Variants in GTF2A2 observed in about 807,000 individuals in gnomAD.
GTF2A2 encodes the protein transcription initiation factor IIA subunit 2.
GTF2A2 carries 9 observed loss-of-function variants against 14.3 expected under a neutral mutation model. The ratio of observed to expected loss-of-function variants is 0.63; its 90% CI spans 0.38 to 1.10. GTF2A2 has a LOEUF of 1.10. GTF2A2 is among the 50% of genes least tolerant of loss of function. The pLI is 0.01. For missense variants in GTF2A2, 90 were observed against 124.6 expected, an observed-to-expected ratio of 0.72 and a Z score of 1.32; for synonymous variants, 56 against 46.0, an observed-to-expected ratio of 1.22 and a Z score of -0.88.
At chr15:59,656,845 A>G (rs760229136) in intron 1 of GTF2A2, 1 of 152,238 alleles carries the variant, frequency 6.6e-6, no homozygotes, top group Non-Finnish European at 1.5e-5. Context: ...TAAGTGTTCT[A>G]ATCTTTTAGA....
rs1228218459 is a variant in GTF2A2, at chr15:59,639,102, G to A, written c.*30C>T. ...TCTTCAAAAGCAATGAATAACAGAAGATGGTGTAAAAAAGTCATATTTTTT... is the reference window on the plus strand; with the variant it reads ...TCTTCAAAAGCAATGAATAACAGAAAATGGTGTAAAAAAGTCATATTTTTT... On this transcript the variant is annotated 3_prime_UTR_variant, in exon 5 of 5. Transcript: ENST00000396060. The A allele has an allele frequency of 7.9e-7, 1 of 1,266,086 alleles. No homozygotes were observed. The highest frequency in any genetic ancestry group is 1.2e-6 in the Non-Finnish European group (1 of 865,008). 78.4% of individuals were successfully genotyped at this position (1,266,086 alleles called of 1,614,324 possible). A position where few individuals can be genotyped will look rare whatever the true frequency, so the allele number is the denominator to read the frequency against.
intron 4 of GTF2A2, among the ~76,000 whole-genome samples, chr15:59,641,174 C>G (rs1313161196): frequency 9.1e-6 from 1 of 110,084 alleles, no homozygotes; most frequent in Non-Finnish European, 1.8e-5. Context: ...GGCAATACAG[C>G]AAGACTCTTT....
At chr15:59,654,583 G>C (rs1850563366) in intron 1 of GTF2A2, among the ~76,000 whole-genome samples, 1 of 152,052 alleles carries the variant, frequency 6.6e-6, no homozygotes, top group African/African-American at 2.4e-5. Flanking sequence ...CTGAAGACAG[G>C]GACTTCTGTT....
chr15:59,641,180 T>G lies in GTF2A2; in HGVS notation c.304+956A>C, dbSNP rs1273570611. ...ACCAGCCTGGGCAATACAGCAAGAC[T>G]CTTTTTTTTTTTTTTTTTTTAAGGC... On this transcript the variant is annotated intron_variant, in intron 4 of 4. Coordinates refer to ENST00000396060, the MANE Select transcript of GTF2A2 (RefSeq NM_004492.3). Among the ~76,000 whole-genome samples the G allele has an allele frequency of 8.1e-5, 6 of 74,378 alleles. No individual in the cohort carries two copies. The South Asian group carries it at 1.8e-3, about 22-fold the overall frequency. 48.8% of individuals were successfully genotyped at this position (74,378 alleles called of 152,430 possible).
At position 59,638,705 on chromosome 15, in the gene GTF2A2, GC is replaced by G. The variant is rs1187539684; in HGVS notation, c.*426del. The G allele has an allele frequency of 6.6e-6, 1 of 152,604 alleles. No individual in the cohort carries two copies. The highest frequency in any genetic ancestry group is 1.5e-5 in the Non-Finnish European group (1 of 68,568). The allele number at this position is 152,604 out of a possible 1,614,324, so 9.5% of individuals were successfully genotyped here. ...AAAATTCCATCCAGAGTTTGGTTTT[GC>G]CCCTGCTGATGCTTTCATCAGGTAA... On this transcript the variant is annotated 3_prime_UTR_variant, in exon 5 of 5. Coordinates refer to ENST00000396060, the MANE Select transcript of GTF2A2 (RefSeq NM_004492.3).
At chr15:59,657,243 C>G (rs1891977116) in intron 1 of GTF2A2, 163 bp downstream of exon 1, 1 of 152,482 alleles carries the variant, frequency 6.6e-6, no homozygotes, top group Non-Finnish European at 1.5e-5. Context: ...CCGCCCTTCT[C>G]CGGTGCCGGC....
At position 59,638,958 on chromosome 15, in the gene GTF2A2, A is replaced by ATAAAGGTGATG; in HGVS notation, c.*163_*173dup. ...AAGTTATGGTTTTTCATGCTGTATA[A>ATAAAGGTGATG]TAAAGGTGATGTAAGAGGCTACAGA... On this transcript the variant is annotated 3_prime_UTR_variant, in exon 5 of 5. Transcript: ENST00000396060. 1.7e-6 allele frequency: 1 copy of ATAAAGGTGATG among 590,386 alleles called. No individual in the cohort carries two copies. The allele number at this position is 590,386 out of a possible 1,614,324, so 36.6% of individuals were successfully genotyped here. A position where few individuals can be genotyped will look rare whatever the true frequency, so the allele number is the denominator to read the frequency against.
At chr15:59,647,476 T>G (rs1891643223) in intron 3 of GTF2A2, among the ~76,000 whole-genome samples, 1 of 152,218 alleles carries the variant, frequency 6.6e-6, no homozygotes, top group African/African-American at 2.4e-5. Flanking sequence ...TTAGCTTTGG[T>G]CAAATATTAC....
intron 4 of GTF2A2, among the ~76,000 whole-genome samples, chr15:59,639,619 C>T (rs574753955): frequency 4.6e-5 from 7 of 151,092 alleles, no homozygotes; most frequent in South Asian, 2.1e-4. Context: ...CCCGCCACCT[C>T]GCCCAGCTAA....
chr15:59,645,486 AG>A (rs1891573857), intron 3 of GTF2A2, among the ~76,000 whole-genome samples: 1 of 152,224 alleles, frequency 6.6e-6, no homozygotes, highest in Non-Finnish European at 1.5e-5. Flanking sequence ...AATCATCAAT[AG>A]CACTACAAAT....
At chr15:59,642,380 G>A in intron 3 of GTF2A2, 118 bp from the exon 4 acceptor site, 2 of 835,516 alleles carry the variant, frequency 2.4e-6, no homozygotes, top group Non-Finnish European at 1.7e-6. Flanking sequence ...CTTAGCTTAA[G>A]ATTTTCCTTA....
chr15:59,647,462 A>G (rs1228398793), intron 3 of GTF2A2, among the ~76,000 whole-genome samples: 5 of 152,198 alleles, frequency 3.3e-5, no homozygotes, highest in African/African-American at 1.2e-4. Flanking sequence ...CTTCTATAAG[A>G]TATTTAGCTT....
intron 3 of GTF2A2, among the ~76,000 whole-genome samples, chr15:59,645,840 G>C (rs1272036215): frequency 5.9e-5 from 9 of 151,916 alleles, no homozygotes; most frequent in African/African-American, 1.2e-4. Context: ...TTCAAGACCA[G>C]CCTGGCCAAC....
chr15:59,642,308 T>C (rs1891457237), intron 3 of GTF2A2, 46 bp from the exon 4 acceptor site: 56 of 1,527,706 alleles, frequency 3.7e-5, no homozygotes, highest in Non-Finnish European at 4.8e-5. Flanking sequence ...TTTTTTCCCC[T>C]CACATTTTTC....
intron 4 of GTF2A2, among the ~76,000 whole-genome samples, chr15:59,641,096 G>A (rs1245293983): frequency 1.3e-5 from 2 of 151,782 alleles, no homozygotes; most frequent in African/African-American, 4.8e-5. Context: ...GCTCACGCCT[G>A]TAATCCCAGC....
intron 2 of GTF2A2, 121 bp downstream of exon 2, chr15:59,652,085 G>A: frequency 3.1e-6 from 2 of 643,316 alleles, no homozygotes; most frequent in Non-Finnish European, 5.5e-6. Flanking sequence ...CAGTGTTACT[G>A]ACTTGCTGGG....
chr15:59,639,810 G>C (rs1482981055), intron 4 of GTF2A2, among the ~76,000 whole-genome samples: 6 of 152,006 alleles, frequency 3.9e-5, no homozygotes, highest in African/African-American at 1.5e-4. Context: ...GAGTGCAGTA[G>C]CGCAATCTCA....
At chr15:59,655,020 T>C (rs533590557) in intron 1 of GTF2A2, among the ~76,000 whole-genome samples, 4 of 152,330 alleles carry the variant, frequency 2.6e-5, no homozygotes, top group East Asian at 1.9e-4. Context: ...CCTGTCACTA[T>C]AGTTGAACTC....
chr15:59,647,432 T>G lies in GTF2A2; in HGVS notation c.177+3237A>C, dbSNP rs538772195. Among the ~76,000 whole-genome samples the G allele has an allele frequency of 1.1e-4, 16 of 152,310 alleles. No individual in the cohort carries two copies. The South Asian group carries it at 3.3e-3, about 32-fold the overall frequency. ...TTTCAAAGTGTAATTTTAGATTTATTCTTTAAATTCAAAAAGTTTCTTCTA... is the reference window on the plus strand; with the variant it reads ...TTTCAAAGTGTAATTTTAGATTTATGCTTTAAATTCAAAAAGTTTCTTCTA... On this transcript the variant is annotated intron_variant, in intron 3 of 4. Transcript: ENST00000396060.
Sources: gnomAD v4.1 joint callset for allele counts (sites outside exome capture counted in the v4.1 genomes callset) on GRCh38, gnomAD v4.1.1 for gene constraint, MANE v1.5 for transcripts, NCBI Gene and HGNC (gene_info 2026-07-23, HGNC 2026-07-21) for gene names.